Variants in NAA35 observed in about 807,000 individuals in gnomAD.
NAA35 encodes MAK10 homolog, amino-acid N-acetyltransferase subunit.
Under a neutral mutation model 101.7 loss-of-function variants are expected in NAA35, and 18 were observed. The ratio of observed to expected loss-of-function variants is 0.18; its 90% CI spans 0.12 to 0.26. The LOEUF is 0.26. Ranked by LOEUF, NAA35 falls within the 10% of genes least tolerant of loss-of-function variation. NAA35 has a pLI of 1.00. For missense variants in NAA35, 601 were observed against 886.8 expected (o/e 0.68, Z 4.09); for synonymous variants, 267 against 273.1 (o/e 0.98, Z 0.22).
At chr9:85,992,403 TC>T (rs1830957978) in intron 11 of NAA35, among the ~76,000 whole-genome samples, 1 of 151,806 alleles carries the variant, frequency 6.6e-6, no homozygotes, top group African/African-American at 2.4e-5. Flanking sequence ...TATATGAGTG[TC>T]CCCCCAACCC....
chr9:85,946,959 T>A (rs1176105313), intron 2 of NAA35, among the ~76,000 whole-genome samples: 1 of 152,210 alleles, frequency 6.6e-6, no homozygotes, highest in Non-Finnish European at 1.5e-5. Flanking sequence ...TTGCTCTTCC[T>A]TTCTTTTCTA....
At chr9:86,018,620 ATTCT>A in intron 20 of NAA35, 75 bp from the exon 21 acceptor site, 2 of 1,531,670 alleles carry the variant, frequency 1.3e-6, no homozygotes, top group Non-Finnish European at 1.8e-6. Flanking sequence ...AAAATGTAGA[ATTCT>A]TTAATAATTA....
intron 12 of NAA35, among the ~76,000 whole-genome samples, chr9:85,998,954 T>G (rs1286551778): frequency 2.6e-5 from 4 of 152,228 alleles, no homozygotes; most frequent in Admixed American, 2.6e-4. Flanking sequence ...AGCAGCAGTC[T>G]CTGGGAAATA....
At chr9:85,987,361 A>G (rs895486767) in intron 11 of NAA35, among the ~76,000 whole-genome samples, 1 of 151,368 alleles carries the variant, frequency 6.6e-6, no homozygotes, top group Admixed American at 6.6e-5. Context: ...CCTGAGGACT[A>G]CTGACCTTGG....
chr9:85,989,397 G>A (rs1482600507), intron 11 of NAA35, among the ~76,000 whole-genome samples: 1 of 152,120 alleles, frequency 6.6e-6, no homozygotes, highest in Non-Finnish European at 1.5e-5. Flanking sequence ...CTTGAACCCA[G>A]GAGGCAGAGG....
chr9:85,998,124 C>T (rs888804593), intron 12 of NAA35, among the ~76,000 whole-genome samples: 3 of 152,032 alleles, frequency 2.0e-5, no homozygotes, highest in Non-Finnish European at 4.4e-5. Flanking sequence ...TCGTGTTAGC[C>T]AGGATGGTCT....
At chr9:85,964,753 ATG>A (rs1829672511) in intron 6 of NAA35, among the ~76,000 whole-genome samples, 1 of 152,176 alleles carries the variant, frequency 6.6e-6, no homozygotes, top group Non-Finnish European at 1.5e-5. Flanking sequence ...AACATAAGTG[ATG>A]TGTGTTTTTC....
chr9:85,996,592 CTG>C lies in NAA35; in HGVS notation c.1056+17_1056+18del. On this transcript the variant is annotated intron_variant, in intron 12 of 22. Transcript: ENST00000361671. ...ATTGTATCCTGGTAAGTACAAATCT[CTG>C]TTCCAGAATGTAACTTCCATTTAAA... 4.0e-6 allele frequency: 6 copies of C among 1,508,526 alleles called. No individual in the cohort carries two copies. The highest frequency in any genetic ancestry group is 5.3e-6 in the Non-Finnish European group (6 of 1,131,380). 93.4% of individuals were successfully genotyped at this position (1,508,526 alleles called of 1,614,324 possible).
At chr9:86,000,138 C>T (rs1227637415) in intron 12 of NAA35, among the ~76,000 whole-genome samples, 3 of 152,056 alleles carry the variant, frequency 2.0e-5, no homozygotes, top group Non-Finnish European at 4.4e-5. Context: ...GGCTTTTCTG[C>T]ATCTATTGAG....
intron 5 of NAA35, among the ~76,000 whole-genome samples, chr9:85,961,304 A>C (rs898871405): frequency 3.9e-5 from 6 of 152,210 alleles, no homozygotes; most frequent in African/African-American, 7.2e-5. Context: ...AACTTGGGCA[A>C]ATGATTTAAA....
intron 6 of NAA35, among the ~76,000 whole-genome samples, chr9:85,965,745 G>A (rs1009707157): frequency 6.6e-6 from 1 of 152,122 alleles, no homozygotes; most frequent in East Asian, 1.9e-4. Context: ...GAAAAGTCGG[G>A]TGTAGTAAAG....
chr9:85,997,805 G>A (rs2118275314), intron 12 of NAA35, among the ~76,000 whole-genome samples: 1 of 152,176 alleles, frequency 6.6e-6, no homozygotes, highest in Non-Finnish European at 1.5e-5. Flanking sequence ...TTAAGAGTGG[G>A]GATTGAACTC....
chr9:86,008,127 A>T (rs1831730674), intron 14 of NAA35, among the ~76,000 whole-genome samples: 1 of 152,250 alleles, frequency 6.6e-6, no homozygotes, highest in South Asian at 2.1e-4. Flanking sequence ...CAGTGGCATC[A>T]TCTCAGCTTA....
intron 4 of NAA35, 27 bp downstream of exon 4, chr9:85,958,613 TCCA>T: frequency 6.9e-7 from 1 of 1,459,372 alleles, no homozygotes; most frequent in East Asian, 2.3e-5. Context: ...TTTTTGTGTT[TCCA>T]TTTATCTTTT....
rs982819273 is a variant in NAA35, at chr9:86,023,798, C to G, written c.*1838C>G. Among the ~76,000 whole-genome samples the G allele has an allele frequency of 6.6e-6, 1 of 152,186 alleles. No homozygotes were observed. The highest frequency in any genetic ancestry group is 1.5e-5 in the Non-Finnish European group (1 of 68,042). ...AAAGATTGATTAGTGTTAGATTTAT[C>G]AGTGTATGTTACTGACAGAATCATG... is the stretch of plus-strand genomic sequence containing the variant. On this transcript the variant is annotated 3_prime_UTR_variant, in exon 23 of 23. Coordinates refer to ENST00000361671, the MANE Select transcript of NAA35 (RefSeq NM_024635.4).
chr9:86,002,461 G>T (rs930093839), intron 12 of NAA35, among the ~76,000 whole-genome samples: 1 of 152,146 alleles, frequency 6.6e-6, no homozygotes, highest in Non-Finnish European at 1.5e-5. Flanking sequence ...TTTCCAAGAT[G>T]TTTGCTTTCT....
At chr9:86,015,905 A>T (rs1057104171) in intron 17 of NAA35, 3 of 296,982 alleles carry the variant, frequency 1.0e-5, no homozygotes, top group Non-Finnish European at 1.0e-5. Context: ...AAATTCAGTT[A>T]TATGGTATAA....
Position 86,013,752 on chromosome 9 carries a change from C to T in NAA35, c.1423C>T (p.Leu475=). 3.1e-6 allele frequency: 5 copies of T among 1,614,064 alleles called. 1 individual carries two copies. The highest frequency in any genetic ancestry group is 4.2e-6 in the Non-Finnish European group (5 of 1,179,956). The change falls in exon 17 of 23, where the codon CTG becomes TTG. Residue 475 remains leucine, a synonymous_variant. Coordinates refer to ENST00000361671, the MANE Select transcript of NAA35 (RefSeq NM_024635.4). ...GGTTGATGCAGCGCTTCACACCATG[C>T]TGTTGAAACAGGAACCCCAAAGGCA... The part of the protein sequence containing the change: ...EKVDAALHTM[L]LKQEPQRQHL...
chr9:85,962,859 T>C (rs1200817645), intron 6 of NAA35, among the ~76,000 whole-genome samples: 2 of 152,158 alleles, frequency 1.3e-5, no homozygotes, highest in African/African-American at 2.4e-5. Flanking sequence ...AACAAAGATA[T>C]GAATATTTTA....
Sources: allele counts gnomAD v4.1 joint callset (sites outside exome capture counted in the v4.1 genomes callset), GRCh38; gene constraint gnomAD v4.1.1; transcripts MANE v1.5; gene names NCBI Gene and HGNC (gene_info 2026-07-23, HGNC 2026-07-21).